Variants in GALM observed in about 807,000 individuals in gnomAD.
GALM encodes the protein galactose mutarotase.
Under a neutral mutation model 37.4 loss-of-function variants are expected in GALM, and 43 were observed. That is an observed-to-expected ratio of 1.15 (90% CI 0.90 to 1.48). The LOEUF (loss-of-function observed/expected upper bound fraction) is 1.48. GALM is among the 40% of genes most tolerant of loss of function. The probability of loss-of-function intolerance (pLI) is 0.00; values close to 1 mark genes in which losing one functional copy is unlikely to be tolerated. For synonymous variants in GALM, 199 were observed against 170.6 expected (o/e 1.17, Z -1.30); for missense variants, 456 against 419.1 (o/e 1.09, Z -0.77).
chr2:38,670,907 G>C (rs1340714431), intron 1 of GALM, among the ~76,000 whole-genome samples: 2 of 152,180 alleles, frequency 1.3e-5, no homozygotes, highest in Non-Finnish European at 2.9e-5. Flanking sequence ...GTGAATGGGG[G>C]TTTTGATTGA....
At chr2:38,695,698 CTTGT>C (rs1178067056) in intron 4 of GALM, among the ~76,000 whole-genome samples, 1 of 151,382 alleles carries the variant, frequency 6.6e-6, no homozygotes, top group Non-Finnish European at 1.5e-5. Flanking sequence ...TGTTTGTTTG[CTTGT>C]TTGTTTTTTG....
At chr2:38,687,729 A>G (rs543131607) in intron 3 of GALM, among the ~76,000 whole-genome samples, 1 of 151,602 alleles carries the variant, frequency 6.6e-6, no homozygotes, top group South Asian at 2.1e-4. Context: ...AAAAAAAGAG[A>G]ATCGTAGTTT....
At chr2:38,670,051 C>A (rs367799362) in intron 1 of GALM, among the ~76,000 whole-genome samples, 1 of 151,732 alleles carries the variant, frequency 6.6e-6, no homozygotes, top group South Asian at 2.1e-4. Flanking sequence ...TTAGTAGAGA[C>A]GGGGTTTCAC....
intron 4 of GALM, among the ~76,000 whole-genome samples, chr2:38,720,655 C>T (rs1394941758): frequency 6.6e-6 from 1 of 152,184 alleles, no homozygotes; most frequent in African/African-American, 2.4e-5. Context: ...TGTCTCTGCA[C>T]ATGATGTCTA....
At chr2:38,713,847 A>T (rs888286242) in intron 4 of GALM, among the ~76,000 whole-genome samples, 1 of 151,512 alleles carries the variant, frequency 6.6e-6, no homozygotes, top group Non-Finnish European at 1.5e-5. Context: ...CGAGGTTGTG[A>T]TGAGCTGTGA....
At chr2:38,701,462 T>C (rs1485969235) in intron 4 of GALM, among the ~76,000 whole-genome samples, 1 of 152,216 alleles carries the variant, frequency 6.6e-6, no homozygotes, top group Non-Finnish European at 1.5e-5. Flanking sequence ...AAATCCCCTC[T>C]TCTTTTTTAT....
chr2:38,730,344 G>A (rs2148459980), intron 5 of GALM, among the ~76,000 whole-genome samples: 2 of 152,274 alleles, frequency 1.3e-5, no homozygotes, highest in Non-Finnish European at 2.9e-5. Context: ...TAGGTTTACT[G>A]CAACCTCCGC....
At chr2:38,694,736 A>T (rs969406671) in intron 4 of GALM, among the ~76,000 whole-genome samples, 2 of 151,914 alleles carry the variant, frequency 1.3e-5, no homozygotes, top group Non-Finnish European at 2.9e-5. Flanking sequence ...CTCTACTAAA[A>T]ATACAAAAAA....
intron 4 of GALM, among the ~76,000 whole-genome samples, chr2:38,702,932 T>TATATATATATATATACTTTATATA (rs1553382842): frequency 7.4e-6 from 1 of 134,888 alleles, no homozygotes; most frequent in African/African-American, 2.8e-5. Context: ...TATATACTTT[T>TATATATATATATATACTTTATATA]TATATATATA....
At chr2:38,722,905 G>C (rs954103810) in intron 4 of GALM, among the ~76,000 whole-genome samples, 3 of 152,094 alleles carry the variant, frequency 2.0e-5, no homozygotes, top group Admixed American at 1.3e-4. Flanking sequence ...TGTCACCTCG[G>C]GCAAGTCCCT....
At chr2:38,682,881 A>C (rs1215788250) in intron 3 of GALM, among the ~76,000 whole-genome samples, 1 of 151,300 alleles carries the variant, frequency 6.6e-6, no homozygotes, top group African/African-American at 2.4e-5. Flanking sequence ...GAGCAACAAG[A>C]GTGAAACTCC....
chr2:38,695,780 T>C (rs1419374982), intron 4 of GALM, among the ~76,000 whole-genome samples: 1 of 151,902 alleles, frequency 6.6e-6, no homozygotes, highest in East Asian at 1.9e-4. Context: ...TGCAGCAACC[T>C]CCACCTCCCG....
intron 4 of GALM, among the ~76,000 whole-genome samples, chr2:38,725,895 A>G (rs573680055): frequency 7.2e-4 from 110 of 152,048 alleles, no homozygotes; most frequent in African/African-American, 2.6e-3. Flanking sequence ...TATTTTTAGT[A>G]GAGACGGGGT....
rs529709612 is a variant in GALM at position 38,672,961 on chromosome 2, G to T, written c.191-2951G>T. On this transcript the variant is annotated intron_variant, in intron 1 of 6. Coordinates refer to ENST00000272252, the MANE Select transcript of GALM (RefSeq NM_138801.3). ...GGAGGCGGACGTTGCAGTGAGCCAAGACCGCACACTGCACTCCAGCCCAGG... is the reference window on the plus strand; with the variant it reads ...GGAGGCGGACGTTGCAGTGAGCCAATACCGCACACTGCACTCCAGCCCAGG... Among the ~76,000 whole-genome samples, 37 of 152,224 alleles carry T rather than the reference G, an allele frequency of 2.4e-4. No individual in the cohort carries two copies. In the South Asian group the frequency reaches 7.7e-3, roughly 32 times the overall value.
intron 1 of GALM, among the ~76,000 whole-genome samples, chr2:38,666,778 C>A (rs13021698): frequency 3.3e-5 from 5 of 152,320 alleles, no homozygotes; most frequent in South Asian, 2.1e-4. Context: ...CTTCTACTTC[C>A]TTCTTCCTTG....
chr2:38,717,550 C>T (rs962396445), intron 4 of GALM, among the ~76,000 whole-genome samples: 5 of 151,878 alleles, frequency 3.3e-5, no homozygotes, highest in African/African-American at 1.2e-4. Flanking sequence ...AGGTGCACAC[C>T]ACCATGCCTG....
chr2:38,717,345 G>GTA (rs1219939873), intron 4 of GALM, among the ~76,000 whole-genome samples: 1 of 146,634 alleles, frequency 6.8e-6, no homozygotes, highest in Non-Finnish European at 1.5e-5. Context: ...GTGTGTGTGT[G>GTA]TATAAAAGAG....
At chr2:38,704,342 G>A (rs377157091) in intron 4 of GALM, among the ~76,000 whole-genome samples, 1 of 151,968 alleles carries the variant, frequency 6.6e-6, no homozygotes, top group African/African-American at 2.4e-5. Flanking sequence ...AGGATCACAG[G>A]CATGCCCCCA....
intron 5 of GALM, 88 bp from the exon 6 acceptor site, chr2:38,731,647 G>A: frequency 1.0e-6 from 1 of 952,654 alleles, no homozygotes; most frequent in South Asian, 1.5e-5. Flanking sequence ...GGCTGGGTCT[G>A]ATTCCTGTCT....
Sources: allele counts gnomAD v4.1 joint callset (sites outside exome capture counted in the v4.1 genomes callset), GRCh38; gene constraint gnomAD v4.1.1; transcripts MANE v1.5; gene names NCBI Gene and HGNC (gene_info 2026-07-23, HGNC 2026-07-21).